The following FEZ2 variants were observed in gnomAD, a reference collection of about 807,000 sequenced individuals.
FEZ2 encodes fasciculation and elongation protein zeta-2.
In FEZ2, 51 loss-of-function variants were observed where a neutral mutation model predicts 40.4. The ratio of observed to expected loss-of-function variants is 1.26; its 90% confidence interval spans 1.01 to 1.59. The LOEUF (loss-of-function observed/expected upper bound fraction) is 1.59, where lower values mean the gene tolerates loss of function less well. Among genes scored for constraint, FEZ2 ranks in the 40% most tolerant of loss-of-function variants. FEZ2 has a pLI of 0.00. For missense variants in FEZ2, 640 were observed against 438.3 expected (o/e 1.46, Z -4.11); for synonymous variants, 242 against 172.0 (o/e 1.41, Z -3.18).
chr2:36,583,168 T>C (rs878948238), intron 3 of FEZ2, among the ~76,000 whole-genome samples, 185 bp downstream of exon 3: 3 of 152,104 alleles, frequency 2.0e-5, no homozygotes, highest in Admixed American at 6.6e-5. Context: ...ACTAACATAA[T>C]CCCTTCTGCT....
chr2:36,578,547 C>G, intron 5 of FEZ2, 50 bp downstream of exon 5: 1 of 1,572,010 alleles, frequency 6.4e-7, no homozygotes, highest in East Asian at 2.2e-5. Flanking sequence ...GCTGGGACTA[C>G]CACAGAACCT....
At chr2:36,587,658 C>CA (rs35567772) in intron 2 of FEZ2, among the ~76,000 whole-genome samples, 73,349 of 151,814 alleles carry the variant, frequency 0.48, 19,175 homozygotes, top group East Asian at 0.85. Flanking sequence ...CTTCTTTTGT[C>CA]AAAAAAAATT....
Position 36,559,545 on chromosome 2 carries a change from T to C in FEZ2, c.904-1032A>G, listed in dbSNP as rs184554206. On this transcript the variant is annotated intron_variant, in intron 5 of 7. Transcript: ENST00000405912. The stretch of plus-strand genomic sequence containing the variant: ...CCAGAAAAGTGGTAAAACTGCATAG[T>C]TCAATCTCTGAGACACGTTAAGTGT... Among the ~76,000 whole-genome samples the C allele has an allele frequency of 1.9e-4, 29 of 152,366 alleles. No homozygotes were observed. The East Asian group carries it at 3.3e-3, about 17-fold the overall frequency.
At chr2:36,572,085 C>T (rs537115819) in intron 5 of FEZ2, among the ~76,000 whole-genome samples, 34 of 149,668 alleles carry the variant, frequency 2.3e-4, no homozygotes, top group African/African-American at 8.3e-4. Context: ...CACTTCTCCT[C>T]TAACCTTCTT....
At chr2:36,553,230 T>C in intron 7 of FEZ2, 51 bp from the exon 8 acceptor site, 4 of 1,277,684 alleles carry the variant, frequency 3.1e-6, no homozygotes, top group Non-Finnish European at 4.4e-6. Flanking sequence ...TGTATACATT[T>C]ACACAAAACA....
At chr2:36,586,876 T>A (rs989418552) in intron 2 of FEZ2, among the ~76,000 whole-genome samples, 2 of 151,704 alleles carry the variant, frequency 1.3e-5, no homozygotes, top group African/African-American at 4.8e-5. Flanking sequence ...AGCCCAGGAG[T>A]TGGAGGCTGC....
intron 5 of FEZ2, among the ~76,000 whole-genome samples, chr2:36,565,551 C>T (rs1051508652): frequency 1.7e-4 from 26 of 152,262 alleles, no homozygotes; most frequent in African/African-American, 6.3e-4. Flanking sequence ...ACACACCACC[C>T]CCTCTGCTGT....
intron 1 of FEZ2, among the ~76,000 whole-genome samples, chr2:36,596,498 C>G (rs961661824): frequency 6.6e-6 from 1 of 152,188 alleles, no homozygotes; most frequent in Non-Finnish European, 1.5e-5. Flanking sequence ...GCTCTGACAC[C>G]CAGGCTGGAG....
Position 36,598,038 on chromosome 2 carries a change from C to T in FEZ2, c.105G>A (p.Glu35=), listed in dbSNP as rs1318902979. The change falls in exon 1 of 8, where the codon GAG becomes GAA. Residue 35 remains glutamate, a synonymous_variant. Coordinates refer to ENST00000405912, the MANE Select transcript of FEZ2 (RefSeq NM_005102.3). The part of the protein sequence containing the change: ...NCNASPEPGA[E]AGAEAGGGAD... ...CGCCCCCACCCGCCTCGGCCCCCGCCTCCGCCCCAGGCTCGGGGCTCGCGT... is the reference window on the plus strand; with the variant it reads ...CGCCCCCACCCGCCTCGGCCCCCGCTTCCGCCCCAGGCTCGGGGCTCGCGT... 4 of 1,501,560 alleles carry T rather than the reference C, an allele frequency of 2.7e-6. No individual in the cohort carries two copies. Among genetic ancestry groups the T allele is most frequent in the Admixed American group, 2.1e-5 (1 of 48,012 alleles). The allele number at this position is 1,501,560 out of a possible 1,614,324, so 93.0% of individuals were successfully genotyped here.
chr2:36,579,841 T>A (rs1434373831), intron 4 of FEZ2, among the ~76,000 whole-genome samples: 1 of 152,158 alleles, frequency 6.6e-6, no homozygotes, highest in Non-Finnish European at 1.5e-5. Context: ...TTGTGACAGA[T>A]AGGACACTGT....
intron 5 of FEZ2, among the ~76,000 whole-genome samples, chr2:36,566,665 G>C (rs971250832): frequency 7.2e-5 from 11 of 152,190 alleles, no homozygotes; most frequent in Admixed American, 2.6e-4. Context: ...TCATAGCTCA[G>C]GCAAAAGTCT....
At chr2:36,595,469 G>T (rs986782961) in intron 1 of FEZ2, among the ~76,000 whole-genome samples, 4 of 152,104 alleles carry the variant, frequency 2.6e-5, no homozygotes, top group Non-Finnish European at 4.4e-5. Flanking sequence ...ATCTAATGCC[G>T]TGGCTGATCT....
chr2:36,597,749 C>G (rs1317117380), intron 1 of FEZ2, 128 bp downstream of exon 1: 4 of 651,460 alleles, frequency 6.1e-6, no homozygotes, highest in Non-Finnish European at 8.9e-6. Context: ...AGGAAGGAGG[C>G]GAGAGGGCGG....
At chr2:36,587,157 G>A (rs1258449053) in intron 2 of FEZ2, among the ~76,000 whole-genome samples, 1 of 152,122 alleles carries the variant, frequency 6.6e-6, no homozygotes, top group African/African-American at 2.4e-5. Flanking sequence ...ATTTAGAATA[G>A]GGTTATGGCC....
chr2:36,562,525 T>C (rs1022431079), intron 5 of FEZ2, among the ~76,000 whole-genome samples: 1 of 152,220 alleles, frequency 6.6e-6, no homozygotes, highest in Non-Finnish European at 1.5e-5. Flanking sequence ...TACCTAGCCT[T>C]TCCCAGATTT....
chr2:36,590,136 C>A (rs953542330), intron 2 of FEZ2: 1 of 152,222 alleles, frequency 6.6e-6, no homozygotes, highest in African/African-American at 2.4e-5. Context: ...AGGATGTACA[C>A]AGGAGACCCC....
At chr2:36,575,614 A>G (rs1213727059) in intron 5 of FEZ2, among the ~76,000 whole-genome samples, 2 of 152,210 alleles carry the variant, frequency 1.3e-5, no homozygotes, top group African/African-American at 4.8e-5. Flanking sequence ...AATCAAAATC[A>G]TATTTCACTT....
At chr2:36,570,010 A>C (rs1359744749) in intron 5 of FEZ2, among the ~76,000 whole-genome samples, 1 of 152,334 alleles carries the variant, frequency 6.6e-6, no homozygotes, top group Middle Eastern at 3.4e-3. Flanking sequence ...AATAGCTTGA[A>C]TATGATTTTC....
rs753606735 is a variant in FEZ2 at position 36,583,470 on chromosome 2, C to A, written c.376-1G>T. The A allele has an allele frequency of 6.7e-7, 1 of 1,496,416 alleles. No homozygotes were observed. Among genetic ancestry groups the A allele is most frequent in the Admixed American group, 1.7e-5 (1 of 59,798 alleles). 92.7% of individuals were successfully genotyped at this position (1,496,416 alleles called of 1,614,324 possible). A position where few individuals can be genotyped will look rare whatever the true frequency, so the allele number is the denominator to read the frequency against. The stretch of plus-strand genomic sequence containing the variant: ...TATCAAAGAGCAAACTGTCACTTAC[C>A]TAAAAACAAAAATACCCATCATTAA... On this transcript the variant is annotated splice_acceptor_variant, in intron 2 of 7. Transcript: ENST00000405912. LOFTEE classifies it high-confidence loss of function.
Sources: allele counts gnomAD v4.1 joint callset (sites outside exome capture counted in the v4.1 genomes callset), GRCh38; gene constraint gnomAD v4.1.1; transcripts MANE v1.5; gene names NCBI Gene and HGNC (gene_info 2026-07-23, HGNC 2026-07-21).